Variants in SART3 observed in about 807,000 individuals in gnomAD.
SART3 encodes HIV-1 Tat-interacting protein of 110kDa.
Under a neutral mutation model 122.3 loss-of-function variants are expected in SART3, and 44 were observed. The ratio of observed to expected loss-of-function variants is 0.36; its 90% confidence interval spans 0.28 to 0.46. The LOEUF is 0.46. Among genes scored for constraint, SART3 ranks in the 20% least tolerant of loss-of-function variants. SART3 has a pLI of 1.00. For synonymous variants in SART3, 442 were observed against 454.0 expected, an observed-to-expected ratio of 0.97 and a Z score of 0.34; for missense variants, 1,101 against 1,229.0, an observed-to-expected ratio of 0.90 and a Z score of 1.56.
chr12:108,535,829 G>A (rs1242623837), intron 11 of SART3, among the ~76,000 whole-genome samples: 1 of 150,356 alleles, frequency 6.7e-6, no homozygotes, highest in Non-Finnish European at 1.5e-5. Flanking sequence ...TGCACACTCT[G>A]CTACTAATAC....
chr12:108,560,792 C>T (rs1350176371), intron 1 of SART3, 51 bp downstream of exon 1: 3 of 1,520,428 alleles, frequency 2.0e-6, no homozygotes, highest in African/African-American at 1.4e-5. Flanking sequence ...GACATGGGGA[C>T]CCGAGGACCT....
intron 1 of SART3, among the ~76,000 whole-genome samples, chr12:108,553,700 A>G (rs996458890): frequency 6.6e-6 from 1 of 152,248 alleles, no homozygotes; most frequent in African/African-American, 2.4e-5. Flanking sequence ...TTAGGATAAA[A>G]ATCTTAACAA....
At chr12:108,550,830 A>G (rs1269510111) in intron 1 of SART3, among the ~76,000 whole-genome samples, 2 of 152,230 alleles carry the variant, frequency 1.3e-5, no homozygotes, top group Admixed American at 6.5e-5. Context: ...CCTGGGTGAC[A>G]AAACAAGGCT....
chr12:108,542,498 G>A (rs1381289968), intron 6 of SART3, among the ~76,000 whole-genome samples: 1 of 151,870 alleles, frequency 6.6e-6, no homozygotes, highest in Non-Finnish European at 1.5e-5. Flanking sequence ...ACCTGGAAAT[G>A]ACCCAACTAT....
At position 108,524,496 on chromosome 12, in the gene SART3, T is replaced by C. The variant is rs141976625; in HGVS notation, c.2534A>G (p.Tyr845Cys). Reference protein sequence around the residue: ...NRAGKPKGLAYVEYENESQAS... With the variant: ...NRAGKPKGLACVEYENESQAS... ...CTGGGATTCATTTTCATACTCCACG[T>C]AGGCCAGGCCCTGGAAGAGGCAAGA... Residue 845 changes from tyrosine (Y) to cysteine (C), a missense_variant, in exon 18 of 19, where the codon TAC becomes TGC. Transcript: ENST00000546815. The C allele has an allele frequency of 6.8e-6, 11 of 1,614,180 alleles. No homozygotes were observed. Among genetic ancestry groups the C allele is most frequent in the Non-Finnish European group, 9.3e-6 (11 of 1,180,024 alleles).
intron 16 of SART3, 152 bp downstream of exon 16, chr12:108,525,947 C>T (rs1474653917): frequency 2.9e-6 from 2 of 693,936 alleles, no homozygotes; most frequent in Non-Finnish European, 4.8e-6. Flanking sequence ...CCTCAGTCAA[C>T]CGGCTCAGGA....
intron 9 of SART3, chr12:108,537,218 T>G: frequency 2.2e-6 from 1 of 462,522 alleles, no homozygotes; most frequent in South Asian, 2.1e-5. Context: ...AAGAAGTATT[T>G]AGGATAAATA....
intron 13 of SART3, 29 bp from the exon 14 acceptor site, chr12:108,531,309 C>T: frequency 1.3e-6 from 2 of 1,571,234 alleles, no homozygotes; most frequent in Non-Finnish European, 8.8e-7. Flanking sequence ...AAAACTTTCA[C>T]TCTTTAGGAT....
intron 1 of SART3, among the ~76,000 whole-genome samples, chr12:108,552,889 T>C (rs553591619): frequency 6.6e-6 from 1 of 152,184 alleles, no homozygotes; most frequent in South Asian, 2.1e-4. Context: ...CTAAAAATGA[T>C]CTTGAAAAAG....
chr12:108,539,429 G>A (rs1873062209), intron 6 of SART3, among the ~76,000 whole-genome samples: 1 of 152,194 alleles, frequency 6.6e-6, no homozygotes, highest in Non-Finnish European at 1.5e-5. Flanking sequence ...TTCCAAACCA[G>A]AAGTCATGTT....
chr12:108,530,018 C>G lies in SART3; in HGVS notation c.1915+124G>C, dbSNP rs921812766. On this transcript the variant is annotated intron_variant, in intron 15 of 18. Transcript: ENST00000546815. ...CTTGTTTGCAAGACATACACCCTAACAGTGATCAAAGGGTAATGGGTATCA... is the reference window on the plus strand; with the variant it reads ...CTTGTTTGCAAGACATACACCCTAAGAGTGATCAAAGGGTAATGGGTATCA... The G allele has an allele frequency of 2.7e-6, 3 of 1,109,720 alleles. No individual in the cohort carries two copies. In the African/African-American group the frequency reaches 4.6e-5, roughly 17 times the overall value. The allele number at this position is 1,109,720 out of a possible 1,614,324, so 68.7% of individuals were successfully genotyped here.
intron 1 of SART3, among the ~76,000 whole-genome samples, chr12:108,559,220 A>T (rs2030365567): frequency 6.6e-6 from 1 of 152,312 alleles, no homozygotes; most frequent in East Asian, 1.9e-4. Flanking sequence ...GTAAGGTTTA[A>T]TGAGTAAACT....
chr12:108,556,506 A>T (rs2136697203), intron 1 of SART3, among the ~76,000 whole-genome samples: 1 of 152,328 alleles, frequency 6.6e-6, no homozygotes, highest in African/African-American at 2.4e-5. Flanking sequence ...AAATCTTAAG[A>T]CTTTTAGCAA....
Position 108,544,496 on chromosome 12 carries a change from GT to G in SART3, c.730-19del. ...TTCTCAAGCTGTGAATCAAAGGTTT[GT>G]TCCCGGTCAAAAGGGGAAAGGAAGC... On this transcript the variant is annotated intron_variant, in intron 4 of 18. Coordinates refer to ENST00000546815, the MANE Select transcript of SART3 (RefSeq NM_014706.4). 3 of 1,614,236 alleles carry G rather than the reference GT, an allele frequency of 1.9e-6. No individual in the cohort carries two copies. Among genetic ancestry groups the G allele is most frequent in the Non-Finnish European group, 2.5e-6 (3 of 1,180,042 alleles).
At chr12:108,546,471 T>C (rs974937222) in intron 3 of SART3, among the ~76,000 whole-genome samples, 1 of 151,920 alleles carries the variant, frequency 6.6e-6, no homozygotes, top group African/African-American at 2.4e-5. Context: ...AGTTCTGGGA[T>C]TACAGGCGTG....
rs1455998673 is a variant in SART3 at position 108,523,087 on chromosome 12, G to A, written c.*370C>T. On this transcript the variant is annotated 3_prime_UTR_variant, in exon 19 of 19. Transcript: ENST00000546815. ...ATGACGGGCACATGTGCTGTGCAGG[G>A]TGGAAGAGAAGTGTCATACAAAAAG... 2.9e-6 allele frequency: 1 copy of A among 344,738 alleles called. No homozygotes were observed. The highest frequency in any genetic ancestry group is 5.5e-6 in the Non-Finnish European group (1 of 182,078). The allele number at this position is 344,738 out of a possible 1,614,324, so 21.4% of individuals were successfully genotyped here.
At position 108,560,965 on chromosome 12, in the gene SART3, C is replaced by T; in HGVS notation, c.190G>A (p.Glu64Lys). 1.2e-6 allele frequency: 2 copies of T among 1,614,096 alleles called. No individual in the cohort carries two copies. The highest frequency in any genetic ancestry group is 1.7e-6 in the Non-Finnish European group (2 of 1,180,000). Reference protein sequence around the residue: ...AWDQQEEGVSESDGDEYAMAS... With the variant: ...AWDQQEEGVSKSDGDEYAMAS... Reference sequence around the variant, plus strand: ...ATGGCGTACTCATCCCCATCGCTCTCGCTCACGCCTTCCTCCTGCTGATCC... The same window carrying T: ...ATGGCGTACTCATCCCCATCGCTCTTGCTCACGCCTTCCTCCTGCTGATCC... The change falls in exon 1 of 19, where the codon GAG becomes AAG. Residue 64 changes from glutamate to lysine, a missense_variant. Physicochemically the swap from Glu to Lys is moderately conservative, Grantham distance 56. This residue lies in a region of SART3 where 216 missense variants were observed against 148.9 expected (regional missense o/e 1.45). Coordinates refer to ENST00000546815, the MANE Select transcript of SART3 (RefSeq NM_014706.4).
chr12:108,524,692 C>G, intron 17 of SART3, 186 bp from the exon 18 acceptor site: 1 of 637,902 alleles, frequency 1.6e-6, no homozygotes, highest in South Asian at 1.8e-5. Flanking sequence ...CCACCCTACT[C>G]TCCTTCCCGA....
chr12:108,537,946 A>G (rs1474250606), intron 8 of SART3, 119 bp downstream of exon 8: 15 of 1,329,094 alleles, frequency 1.1e-5, no homozygotes, highest in East Asian at 9.2e-5. Context: ...CCTTTTTGTC[A>G]CTACACTCCA....
Sources: allele counts gnomAD v4.1 joint callset (sites outside exome capture counted in the v4.1 genomes callset), GRCh38; gene constraint gnomAD v4.1.1; regional missense constraint gnomAD v4.1.1; transcripts MANE v1.5; gene names NCBI Gene and HGNC (gene_info 2026-07-23, HGNC 2026-07-21).